Variants in TRPM3 observed in about 807,000 individuals in gnomAD.
TRPM3 encodes long transient receptor potential channel 3.
TRPM3 carries 77 observed loss-of-function variants against 181.2 expected under a neutral mutation model. That is an observed-to-expected ratio of 0.42 (90% CI 0.35 to 0.51). The LOEUF (loss-of-function observed/expected upper bound fraction) is 0.51. Among genes scored for constraint, TRPM3 ranks in the 20% least tolerant of loss-of-function variants. The pLI, the probability that TRPM3 is intolerant of heterozygous loss-of-function variation, is 0.01. For missense variants in TRPM3, 1,759 were observed against 2,196.7 expected, an observed-to-expected ratio of 0.80 and a Z score of 3.98; for synonymous variants, 745 against 796.4, an observed-to-expected ratio of 0.94 and a Z score of 1.09.
At chr9:70,671,840 T>C (rs890151031) in intron 9 of TRPM3, among the ~76,000 whole-genome samples, 13 of 152,088 alleles carry the variant, frequency 8.5e-5, no homozygotes, top group African/African-American at 3.1e-4. Flanking sequence ...TCTCAGCTCA[T>C]TGCATCCTCC....
At chr9:70,943,481 A>C (rs767538972) in intron 1 of TRPM3, among the ~76,000 whole-genome samples, 2 of 152,212 alleles carry the variant, frequency 1.3e-5, no homozygotes, top group Non-Finnish European at 2.9e-5. Context: ...CAATAACCCG[A>C]GTTGACTGTT....
Position 70,937,552 on chromosome 9 carries a change from T to C in TRPM3, c.178-73041A>G, listed in dbSNP as rs1438813915. 2.0e-5 allele frequency among the ~76,000 whole-genome samples: 3 copies of C among 152,314 alleles called. No homozygotes were observed. In the South Asian group the frequency reaches 6.2e-4, roughly 32 times the overall value. ...GCAAATTTTATTATGGGCAAAATTT[T>C]AAAAAATTACATTTTTAAATTGGCT... On this transcript the variant is annotated intron_variant, in intron 1 of 25. Coordinates refer to ENST00000677713, the MANE Select transcript of TRPM3 (RefSeq NM_001366145.2).
At chr9:70,981,424 C>A (rs1564896976) in intron 1 of TRPM3, among the ~76,000 whole-genome samples, 1 of 152,108 alleles carries the variant, frequency 6.6e-6, no homozygotes, top group Non-Finnish European at 1.5e-5. Flanking sequence ...GAAGACATGT[C>A]ATCTTGAAAA....
chr9:71,289,338 ATAAAAC>A (rs1156794065), intron 1 of TRPM3, among the ~76,000 whole-genome samples: 22 of 152,320 alleles, frequency 1.4e-4, no homozygotes, highest in African/African-American at 5.1e-4. Flanking sequence ...AAGGAAAGCA[ATAAAAC>A]TTCTAGAGAT....
At chr9:70,929,064 A>G (rs575441807) in intron 1 of TRPM3, among the ~76,000 whole-genome samples, 7 of 152,186 alleles carry the variant, frequency 4.6e-5, no homozygotes, top group African/African-American at 1.7e-4. Flanking sequence ...GGCAGAAAGG[A>G]TTCTATATTA....
At chr9:71,016,292 T>G (rs1358697338) in intron 1 of TRPM3, among the ~76,000 whole-genome samples, 1 of 151,778 alleles carries the variant, frequency 6.6e-6, no homozygotes, top group Non-Finnish European at 1.5e-5. Context: ...GTTTTCCATT[T>G]TAACCATTTT....
intron 1 of TRPM3, among the ~76,000 whole-genome samples, chr9:71,260,071 A>G: frequency 6.6e-6 from 1 of 152,202 alleles, no homozygotes; most frequent in Non-Finnish European, 1.5e-5. Context: ...AGTGTAAGGA[A>G]GGGGTCCAGT....
chr9:71,207,669 A>T (rs1341220961), intron 1 of TRPM3, among the ~76,000 whole-genome samples: 1 of 152,160 alleles, frequency 6.6e-6, no homozygotes. Flanking sequence ...GAATAATGTA[A>T]TTACAGAAAC....
At chr9:71,139,713 C>T (rs2074982911) in intron 1 of TRPM3, among the ~76,000 whole-genome samples, 1 of 152,162 alleles carries the variant, frequency 6.6e-6, no homozygotes, top group Non-Finnish European at 1.5e-5. Context: ...TACCCTGTAG[C>T]CAGCCACAGT....
At chr9:71,158,641 T>G (rs1169084831) in intron 1 of TRPM3, among the ~76,000 whole-genome samples, 1 of 152,166 alleles carries the variant, frequency 6.6e-6, no homozygotes, top group African/African-American at 2.4e-5. Flanking sequence ...AGAATAATAA[T>G]GTCTCTCTTA....
At chr9:70,701,545 C>T (rs2072578554) in intron 8 of TRPM3, among the ~76,000 whole-genome samples, 1 of 151,952 alleles carries the variant, frequency 6.6e-6, no homozygotes, top group Non-Finnish European at 1.5e-5. Context: ...TCAAATTAGT[C>T]TTTTTTTCCT....
intron 1 of TRPM3, among the ~76,000 whole-genome samples, chr9:71,063,242 T>C (rs2061526424): frequency 6.6e-6 from 1 of 152,162 alleles, no homozygotes; most frequent in Non-Finnish European, 1.5e-5. Flanking sequence ...CTGACATCCC[T>C]GAGGAGCCTG....
chr9:71,420,633 GAA>G (rs1280822616), intron 1 of TRPM3, among the ~76,000 whole-genome samples: 1 of 115,190 alleles, frequency 8.7e-6, no homozygotes, highest in Non-Finnish European at 1.9e-5. Flanking sequence ...AAAAGAAAAA[GAA>G]AAAGAGAGAG....
intron 9 of TRPM3, among the ~76,000 whole-genome samples, chr9:70,642,817 C>T (rs1331848990): frequency 6.6e-6 from 1 of 152,186 alleles, no homozygotes; most frequent in Non-Finnish European, 1.5e-5. Context: ...TTTTAAGACA[C>T]AGGTTCTTGG....
intron 1 of TRPM3, among the ~76,000 whole-genome samples, chr9:71,279,034 T>TAAAAAAAAAAAAAAAAAAAAAAAA (rs200421016): frequency 8.4e-5 from 4 of 47,570 alleles, no homozygotes; most frequent in African/African-American, 4.2e-4. Flanking sequence ...CCTGCTTAGG[T>TAAAAAAAAAAAAAAAAAAAAAAAA]TAAAAAAAAT....
At chr9:71,026,638 A>G (rs952043459) in intron 1 of TRPM3, among the ~76,000 whole-genome samples, 3 of 152,044 alleles carry the variant, frequency 2.0e-5, no homozygotes, top group Non-Finnish European at 4.4e-5. Flanking sequence ...AGCCATTGCC[A>G]TGGGAGCACT....
At chr9:71,116,849 C>T (rs1160460569) in intron 1 of TRPM3, among the ~76,000 whole-genome samples, 1 of 152,140 alleles carries the variant, frequency 6.6e-6, no homozygotes, top group Non-Finnish European at 1.5e-5. Flanking sequence ...ATAGTATTTG[C>T]TTCAAAGAAT....
At chr9:71,215,873 C>T (rs762126604) in intron 1 of TRPM3, among the ~76,000 whole-genome samples, 3 of 152,172 alleles carry the variant, frequency 2.0e-5, no homozygotes, top group Non-Finnish European at 2.9e-5. Context: ...GTTAATATCA[C>T]TGAGTAGCAC....
chr9:71,112,721 G>A (rs907039859), intron 1 of TRPM3, among the ~76,000 whole-genome samples: 7 of 152,144 alleles, frequency 4.6e-5, no homozygotes, highest in Non-Finnish European at 8.8e-5. Context: ...TTCAAAATGA[G>A]TTGGAAGAGC....
Sources: gnomAD v4.1 joint callset for allele counts (sites outside exome capture counted in the v4.1 genomes callset) on GRCh38, gnomAD v4.1.1 for gene constraint, MANE v1.5 for transcripts, NCBI Gene and HGNC (gene_info 2026-07-23, HGNC 2026-07-21) for gene names.